The following CHUK variants were observed in gnomAD, a reference collection of about 807,000 sequenced individuals.
The protein encoded by CHUK is component of inhibitor of nuclear factor kappa B kinase complex, also known as inhibitor of nuclear factor kappa-B kinase subunit alpha.
CHUK carries 35 observed loss-of-function variants against 104.8 expected under a neutral mutation model. The ratio of observed to expected loss-of-function variants is 0.33; its 90% CI spans 0.26 to 0.44. CHUK has a LOEUF of 0.44. CHUK is among the 20% of genes least tolerant of loss of function. The pLI is 1.00. For synonymous variants in CHUK, 276 were observed against 291.9 expected (o/e 0.95, Z 0.56); for missense variants, 663 against 902.7 (o/e 0.73, Z 3.40).
At position 100,194,021 on chromosome 10, in the gene CHUK, CT is replaced by C; in HGVS notation, c.1936del (p.Arg646GlyfsTer22). 2 of 1,613,724 alleles carry C rather than the reference CT, an allele frequency of 1.2e-6. No homozygotes were observed. Among genetic ancestry groups the C allele is most frequent in the Non-Finnish European group, 8.5e-7 (1 of 1,179,754 alleles). ...DNTVMFMQGK[R>X]QKEIWHLLKI... ...AAGGAGATGCCATATTTCTTTCTGC[CT>C]TTTTCCCTGCATGAACATGACAGTA... On this transcript the variant is annotated frameshift_variant, in exon 18 of 21. Transcript: ENST00000370397. LOFTEE classifies it high-confidence loss of function.
chr10:100,215,359 C>T (rs1201593983), intron 9 of CHUK, among the ~76,000 whole-genome samples: 1 of 151,706 alleles, frequency 6.6e-6, no homozygotes, highest in Non-Finnish European at 1.5e-5. Context: ...GCAGAAGAGT[C>T]ACAGCTACAG....
chr10:100,186,839 C>CTA (rs1328918525), downstream of CHUK: 2 of 152,178 alleles, frequency 1.3e-5, no homozygotes. Context: ...AGAGGTGGAA[C>CTA]TATAACTGGA....
chr10:100,199,830 T>A, intron 16 of CHUK, 141 bp downstream of exon 16: 1 of 706,096 alleles, frequency 1.4e-6, no homozygotes, highest in Non-Finnish European at 2.6e-6. Context: ...TTATACCATG[T>A]CTCAATGGCA....
intron 14 of CHUK, 29 bp from the exon 15 acceptor site, chr10:100,200,809 T>C: frequency 8.1e-7 from 1 of 1,237,648 alleles, no homozygotes; most frequent in Non-Finnish European, 1.2e-6. Context: ...ACAAAGGAAA[T>C]GAAAGGCTTA....
Position 100,202,072 on chromosome 10 carries a change from A to C in CHUK, c.1569+16T>G. The C allele has an allele frequency of 6.4e-7, 1 of 1,573,140 alleles. No individual in the cohort carries two copies. The highest frequency in any genetic ancestry group is 8.7e-7 in the Non-Finnish European group (1 of 1,143,194). On this transcript the variant is annotated intron_variant, in intron 14 of 20. Coordinates refer to ENST00000370397, the MANE Select transcript of CHUK (RefSeq NM_001278.5). ...CAAGAATTAATAAGTATACAGAATG[A>C]CGTCAATGATTTTACCTCAGCATAG...
rs1845922954 is a variant in CHUK at position 100,218,925 on chromosome 10, A to G, written c.689+83T>C. The G allele has an allele frequency of 7.1e-6, 11 of 1,553,622 alleles. No homozygotes were observed. The South Asian group carries it at 1.2e-4, about 18-fold the overall frequency. On this transcript the variant is annotated intron_variant, in intron 7 of 20. Transcript: ENST00000370397. ...TAATTGTATATTTCAAAGGCAATTA[A>G]ACAATTAAAGAAAGAAAAAAAAAGA...
chr10:100,210,379 G>A (rs996084469), intron 9 of CHUK, among the ~76,000 whole-genome samples: 1 of 152,136 alleles, frequency 6.6e-6, no homozygotes. Flanking sequence ...GAGCCACCGC[G>A]CCCGGCCTAA....
intron 9 of CHUK, among the ~76,000 whole-genome samples, chr10:100,217,175 G>A (rs904924155): frequency 6.7e-6 from 1 of 150,064 alleles, no homozygotes; most frequent in Non-Finnish European, 1.5e-5. Context: ...AAGGTTAAGA[G>A]AAGCAGGTAC....
chr10:100,210,410 CATT>C (rs889047802), intron 9 of CHUK, among the ~76,000 whole-genome samples: 4 of 151,962 alleles, frequency 2.6e-5, no homozygotes, highest in African/African-American at 9.7e-5. Context: ...TTGAAAAAAA[CATT>C]ATCATAGACC....
At chr10:100,191,628 C>T (rs575368044) in intron 19 of CHUK, among the ~76,000 whole-genome samples, 5 of 152,158 alleles carry the variant, frequency 3.3e-5, no homozygotes, top group Admixed American at 3.3e-4. Flanking sequence ...TCTATATGGC[C>T]TCTAGCTTCT....
At chr10:100,223,963 C>T (rs992651915) in intron 2 of CHUK, among the ~76,000 whole-genome samples, 16 of 152,218 alleles carry the variant, frequency 1.1e-4, no homozygotes, top group African/African-American at 3.4e-4. Flanking sequence ...CTCTCCTCCC[C>T]TTGAATGTAG....
intron 19 of CHUK, chr10:100,192,508 A>G (rs1845228314): frequency 9.6e-6 from 6 of 627,824 alleles, no homozygotes; most frequent in Non-Finnish European, 1.2e-5. Context: ...ATAAAAGTAG[A>G]GTACAGAATG....
At chr10:100,211,989 T>A (rs146206952) in intron 9 of CHUK, among the ~76,000 whole-genome samples, 306 of 152,234 alleles carry the variant, frequency 2.0e-3, no homozygotes, top group African/African-American at 7.2e-3. Context: ...TTCAAGCAAT[T>A]ATCCTGCCTC....
In CHUK at chr10:100,209,617, G is replaced by A. The variant is rs1251889857; in HGVS notation, c.1106C>T (p.Ser369Phe). ...TACAACTCCATCTAGAACACATTGAGAGGCTGGTTTCCGAGGATCCAGAGA... is the reference window on the plus strand; with the variant it reads ...TACAACTCCATCTAGAACACATTGAAAGGCTGGTTTCCGAGGATCCAGAGA... ...GISLDPRKPA[S>F]QCVLDGVRGC... is the part of the protein sequence containing the mutation. The change falls in exon 10 of 21, where the codon TCT becomes TTT. Residue 369 changes from serine (S) to phenylalanine (F), a missense_variant. Ser to Phe is a radical substitution (Grantham distance 155, BLOSUM62 -2). Around this residue, in one of 5 missense-constraint regions of CHUK, gnomAD observed 93 missense variants for 95.9 expected, o/e 0.97. Coordinates refer to ENST00000370397, the MANE Select transcript of CHUK (RefSeq NM_001278.5). 8 of 1,606,834 alleles carry A rather than the reference G, an allele frequency of 5.0e-6. No homozygotes were observed. The highest frequency in any genetic ancestry group is 2.2e-5 in the South Asian group (2 of 90,936).
chr10:100,200,928 T>C, intron 14 of CHUK, 148 bp from the exon 15 acceptor site: 1 of 676,488 alleles, frequency 1.5e-6, no homozygotes, highest in Non-Finnish European at 2.7e-6. Flanking sequence ...GTTAAAGCCT[T>C]TCTATTCTTC....
rs762572669 is a variant in CHUK, at chr10:100,226,056, T to C, written c.106-39A>G. On this transcript the variant is annotated intron_variant, in intron 1 of 20. Coordinates refer to ENST00000370397, the MANE Select transcript of CHUK (RefSeq NM_001278.5). ...AAATCAACAGAAAAAAAAAATTAGG[T>C]TCTTGTGAAGATTTATTTGCTACCA... The C allele has an allele frequency of 4.1e-6, 5 of 1,220,510 alleles. No individual in the cohort carries two copies. In the East Asian group the frequency reaches 1.2e-4, roughly 28 times the overall value. The allele number at this position is 1,220,510 out of a possible 1,614,324, so 75.6% of individuals were successfully genotyped here.
chr10:100,225,165 C>G (rs761173263), intron 2 of CHUK, among the ~76,000 whole-genome samples: 1 of 152,172 alleles, frequency 6.6e-6, no homozygotes, highest in Non-Finnish European at 1.5e-5. Flanking sequence ...CAAATACTTT[C>G]ACAATGTTTT....
In CHUK at chr10:100,209,916, T is replaced by C. The variant is rs17881061; in HGVS notation, c.934-127A>G. On this transcript the variant is annotated intron_variant, in intron 9 of 20. Transcript: ENST00000370397. ...TACATTAAACAAGGCTCACTCATTCTCCAAAGTGAGATCTCCTTTTATAAT... is the reference window on the plus strand; with the variant it reads ...TACATTAAACAAGGCTCACTCATTCCCCAAAGTGAGATCTCCTTTTATAAT... 1.1e-3 allele frequency: 624 copies of C among 569,372 alleles called. 6 individuals are homozygous for C. The highest frequency in any genetic ancestry group is 0.011 in the African/African-American group (579 of 53,520). The allele number at this position is 569,372 out of a possible 1,614,324, so 35.3% of individuals were successfully genotyped here.
chr10:100,202,558 A>G (rs1158001525), intron 13 of CHUK, among the ~76,000 whole-genome samples: 1 of 152,140 alleles, frequency 6.6e-6, no homozygotes, highest in African/African-American at 2.4e-5. Context: ...TTCTCTACAG[A>G]TTTCAGAGAA....
Sources: gnomAD v4.1 joint callset for allele counts (sites outside exome capture counted in the v4.1 genomes callset) on GRCh38, gnomAD v4.1.1 for gene constraint, gnomAD v4.1.1 regional missense constraint, MANE v1.5 for transcripts, NCBI Gene and HGNC (gene_info 2026-07-23, HGNC 2026-07-21) for gene names.